The following MED14 variants were observed in gnomAD, a reference collection of about 807,000 sequenced individuals.
MED14 encodes the protein mediator complex subunit 14.
A neutral mutation model predicts 109.0 loss-of-function variants in MED14; 8 were observed. The ratio of observed to expected loss-of-function variants is 0.07; its 90% confidence interval spans 0.04 to 0.13. The LOEUF (loss-of-function observed/expected upper bound fraction) is 0.13. MED14 is among the 10% of genes least tolerant of loss of function. The probability of loss-of-function intolerance (pLI) is 1.00; values close to 1 mark genes in which losing one functional copy is unlikely to be tolerated. For missense variants in MED14, 711 were observed against 1,142.4 expected (o/e 0.62, Z 5.44); for synonymous variants, 399 against 408.7 (o/e 0.98, Z 0.29).
intron 16 of MED14, among the ~76,000 whole-genome samples, chrX:40,687,943 A>G (rs1256181791): frequency 8.9e-6 from 1 of 112,223 alleles, no homozygotes; most frequent in Admixed American, 9.4e-5. Flanking sequence ...GGCCAGGTGC[A>G]GTGGCTTATG....
chrX:40,662,902 A>G (rs1350397264), intron 26 of MED14, 23 bp downstream of exon 26: 1 of 1,137,697 alleles, frequency 8.8e-7, no homozygotes, highest in Non-Finnish European at 1.2e-6. Flanking sequence ...ATCACCACTT[A>G]GAAGGTCATT....
chrX:40,727,834 A>G (rs1199885455), intron 2 of MED14, among the ~76,000 whole-genome samples: 1 of 111,357 alleles, frequency 9.0e-6, no homozygotes, highest in African/African-American at 3.3e-5. Context: ...CCATGACGCA[A>G]TGCACCAAAG....
intron 14 of MED14, 133 bp downstream of exon 14, chrX:40,692,575 T>C: frequency 1.6e-6 from 1 of 611,090 alleles, no homozygotes; most frequent in South Asian, 3.2e-5. Flanking sequence ...TGTAGACAAT[T>C]GTTACTTAAG....
intron 13 of MED14, 142 bp from the exon 14 acceptor site, chrX:40,693,044 A>G (rs1930591280): frequency 4.5e-6 from 2 of 448,960 alleles, no homozygotes; most frequent in Non-Finnish European, 6.9e-6. Flanking sequence ...ATCGTATCAA[A>G]AAAAAGCATT....
Position 40,650,960 on chromosome X carries a change from A to G in MED14, c.*846T>C. 2.7e-6 allele frequency: 2 copies of G among 753,383 alleles called. No individual in the cohort carries two copies. The highest frequency in any genetic ancestry group is 1.6e-6 in the Non-Finnish European group (1 of 638,412). 62.1% of individuals were successfully genotyped at this position (753,383 alleles called of 1,213,427 possible). A position where few individuals can be genotyped will look rare whatever the true frequency, so the allele number is the denominator to read the frequency against. ...AAAGTTCCCACATCCTCAACAGATGAGAATGATTGCATTATTTGGGATCCT... is the reference window on the plus strand; with the variant it reads ...AAAGTTCCCACATCCTCAACAGATGGGAATGATTGCATTATTTGGGATCCT... On this transcript the variant is annotated 3_prime_UTR_variant, in exon 31 of 31. Transcript: ENST00000324817.
chrX:40,686,229 T>G (rs988419383), intron 16 of MED14, among the ~76,000 whole-genome samples: 12 of 111,813 alleles, frequency 1.1e-4, no homozygotes, highest in African/African-American at 3.9e-4. Flanking sequence ...TATAAAGTAC[T>G]TCCTTCCTAG....
chrX:40,676,471 T>C (rs1929913435), intron 21 of MED14, among the ~76,000 whole-genome samples: 1 of 111,991 alleles, frequency 8.9e-6, no homozygotes, highest in South Asian at 3.7e-4. Context: ...GAGTAGCAAC[T>C]AGAACCATCC....
chrX:40,659,119 A>C, intron 28 of MED14, 108 bp downstream of exon 28: 1 of 408,299 alleles, frequency 2.4e-6, no homozygotes, highest in South Asian at 9.0e-5. Flanking sequence ...AATTTAAGAG[A>C]AAAATAGAAG....
rs192778660 is a variant in MED14, at chrX:40,659,263, G to T, written c.3936C>A (p.Ile1312=). 6.0e-6 allele frequency: 7 copies of T among 1,159,610 alleles called. No homozygotes were observed. In the South Asian group the frequency reaches 1.2e-4, roughly 19 times the overall value. ...TCATAATGTGCACACAATCCCTGAG[G>T]ATGTGTGTAGGAGCTCCTAATAGCT... ...FTKLLGAPTH[I]LRDCVHIMKL... is the part of the protein sequence containing the mutation. Residue 1312 remains isoleucine, a synonymous_variant, in exon 28 of 31, where the codon ATC becomes ATA. Transcript: ENST00000324817.
Position 40,650,751 on chromosome X carries a change from A to G in MED14, c.*1055T>C, listed in dbSNP as rs1419387503. 2.7e-6 allele frequency: 2 copies of G among 752,452 alleles called. No homozygotes were observed. The highest frequency in any genetic ancestry group is 1.5e-4 in the East Asian group (1 of 6,645). 62.0% of individuals were successfully genotyped at this position (752,452 alleles called of 1,213,427 possible). A position where few individuals can be genotyped will look rare whatever the true frequency, so the allele number is the denominator to read the frequency against. On this transcript the variant is annotated 3_prime_UTR_variant, in exon 31 of 31. Transcript: ENST00000324817. ...AGCAAAACATTCTATCGTTTTGTTG[A>G]CAATGAATTAAATTGAAATTGTTTA...
Position 40,711,201 on chromosome X carries a change from A to G in MED14, c.990T>C (p.His330=), listed in dbSNP as rs764834801. 1.7e-6 allele frequency: 2 copies of G among 1,209,672 alleles called. No individual in the cohort carries two copies. The highest frequency in any genetic ancestry group is 1.8e-5 in the South Asian group (1 of 56,773). ...WGDLVQVERY[H]AGKCLSLSVW... is the part of the protein sequence containing the mutation. ...CTGAAAGGGAGAGGCACTTTCCAGC[A>G]TGATACCTTTCCACCTGCACAAGGT... Residue 330 remains histidine, a synonymous_variant, in exon 8 of 31, where the codon CAT becomes CAC. Coordinates refer to ENST00000324817, the MANE Select transcript of MED14 (RefSeq NM_004229.4).
chrX:40,680,192 A>C (rs1236445089), intron 20 of MED14, 59 bp from the exon 21 acceptor site: 2 of 1,108,731 alleles, frequency 1.8e-6, no homozygotes, highest in African/African-American at 1.8e-5. Context: ...AAAACCTCAG[A>C]ATTTTCAGTG....
intron 24 of MED14, among the ~76,000 whole-genome samples, chrX:40,665,954 T>C (rs1284449279): frequency 8.9e-6 from 1 of 112,334 alleles, no homozygotes; most frequent in Non-Finnish European, 1.9e-5. Flanking sequence ...TTACACCATA[T>C]GGTATGATGA....
chrX:40,671,141 C>T (rs1929714988), intron 23 of MED14, among the ~76,000 whole-genome samples: 1 of 111,750 alleles, frequency 8.9e-6, no homozygotes. Context: ...GGCAACGGGT[C>T]ATTCTCCCCA....
At chrX:40,728,069 C>A (rs1931949411) in intron 2 of MED14, among the ~76,000 whole-genome samples, 2 of 111,917 alleles carry the variant, frequency 1.8e-5, no homozygotes, top group Non-Finnish European at 3.8e-5. Context: ...GTTAAACACA[C>A]ATTAAGATCC....
chrX:40,705,202 T>C (rs1471774367), intron 10 of MED14, among the ~76,000 whole-genome samples: 1 of 112,515 alleles, frequency 8.9e-6, no homozygotes, highest in Non-Finnish European at 1.9e-5. Context: ...TAAAAAGTTA[T>C]TACAAATGTG....
Position 40,735,406 on chromosome X carries a change from G to A in MED14, c.7C>T (p.Pro3Ser), listed in dbSNP as rs1009652144. 9 of 1,100,385 alleles carry A rather than the reference G, an allele frequency of 8.2e-6. No individual in the cohort carries two copies. Among genetic ancestry groups the A allele is most frequent in the East Asian group, 7.2e-5 (2 of 27,746 alleles). 90.7% of individuals were successfully genotyped at this position (1,100,385 alleles called of 1,213,427 possible). A position where few individuals can be genotyped will look rare whatever the true frequency, so the allele number is the denominator to read the frequency against. The change falls in exon 1 of 31, where the codon CCA becomes TCA. Residue 3 changes from proline (P) to serine (S), a missense_variant. By Grantham distance (74) the Pro-to-Ser change is moderately conservative. Transcript: ENST00000324817. ...AGCTGGTGGTTCTCCAGCTGCACTG[G>A]GGCCATGGCGGCGCAGGACCGGGCT... The part of the protein sequence containing the change: MA[P>S]VQLENHQLVP...
In MED14 at chrX:40,664,301, A is replaced by C. The variant is rs767124792; in HGVS notation, c.3448+6T>G. The C allele has an allele frequency of 4.9e-5, 58 of 1,193,009 alleles. No homozygotes were observed. The highest frequency in any genetic ancestry group is 6.2e-5 in the Non-Finnish European group (55 of 887,614). The stretch of plus-strand genomic sequence containing the variant: ...AAAAGAACATAAAAATGTTGATGAT[A>C]CTTACTTGTTCCAGCTCGAGGGGAA... On this transcript the variant is annotated splice_donor_region_variant and intron_variant, in intron 25 of 30. Coordinates refer to ENST00000324817, the MANE Select transcript of MED14 (RefSeq NM_004229.4).
At chrX:40,713,192 G>T (rs377204215) in intron 5 of MED14, 150 bp from the exon 6 acceptor site, 2 of 508,363 alleles carry the variant, frequency 3.9e-6, no homozygotes. Flanking sequence ...AATGGTTCCT[G>T]AATAAGAAGT....
Sources: allele counts gnomAD v4.1 joint callset (sites outside exome capture counted in the v4.1 genomes callset), GRCh38; gene constraint gnomAD v4.1.1; transcripts MANE v1.5; gene names NCBI Gene and HGNC (gene_info 2026-07-23, HGNC 2026-07-21).